The following CNTN5 variants were observed in gnomAD, a reference collection of about 807,000 sequenced individuals.
CNTN5 encodes contactin-5.
A neutral mutation model predicts 129.1 loss-of-function variants in CNTN5; 77 were observed. That is an observed-to-expected ratio of 0.60 (90% confidence interval 0.50 to 0.72). The LOEUF is 0.72. CNTN5 is among the 30% of genes least tolerant of loss of function. CNTN5 has a pLI of 0.00. For missense variants in CNTN5, 1,478 were observed against 1,328.8 expected, an observed-to-expected ratio of 1.11 and a Z score of -1.75; for synonymous variants, 509 against 465.6, an observed-to-expected ratio of 1.09 and a Z score of -1.20.
intron 1 of CNTN5, among the ~76,000 whole-genome samples, chr11:99,143,301 G>T (rs1389213967): frequency 7.6e-6 from 1 of 130,864 alleles, no homozygotes; most frequent in African/African-American, 2.9e-5. Context: ...AAATATACAT[G>T]TAAAATATAT....
chr11:99,535,946 T>G (rs10750317), intron 2 of CNTN5, among the ~76,000 whole-genome samples: 37,735 of 152,018 alleles, frequency 0.25, 5,148 homozygotes, highest in Non-Finnish European at 0.31. Flanking sequence ...TGATTAGTTT[T>G]GTTTTGAATA....
chr11:99,758,810 A>C (rs925377721), intron 3 of CNTN5, among the ~76,000 whole-genome samples: 5 of 152,090 alleles, frequency 3.3e-5, no homozygotes, highest in African/African-American at 1.2e-4. Flanking sequence ...AAAATTATGC[A>C]AGCATTTTGA....
chr11:99,208,144 G>A (rs1859575616), intron 1 of CNTN5, among the ~76,000 whole-genome samples: 1 of 152,098 alleles, frequency 6.6e-6, no homozygotes, highest in African/African-American at 2.4e-5. Context: ...AAAGCAAAAA[G>A]CATCAAAATC....
At chr11:99,385,243 T>G (rs577233270) in intron 2 of CNTN5, among the ~76,000 whole-genome samples, 2 of 152,266 alleles carry the variant, frequency 1.3e-5, no homozygotes, top group African/African-American at 4.8e-5. Context: ...CTCCCAAACT[T>G]ATTTCTCTAT....
chr11:100,150,882 C>A (rs1002862502), intron 13 of CNTN5, among the ~76,000 whole-genome samples: 2 of 151,972 alleles, frequency 1.3e-5, no homozygotes, highest in East Asian at 1.9e-4. Context: ...CTTTGGGAGA[C>A]AATTAGGTTT....
rs1555025629 is a variant in CNTN5, at chr11:99,553,979, C to CACACACACAT, written c.-70-2157_-70-2156insTACACACACA. 1.2e-3 allele frequency among the ~76,000 whole-genome samples: 182 copies of CACACACACAT among 145,628 alleles called. 2 individuals are homozygous for CACACACACAT. Among genetic ancestry groups the CACACACACAT allele is most frequent in the Middle Eastern group, 3.5e-3 (1 of 288 alleles). On this transcript the variant is annotated intron_variant, in intron 2 of 24. Transcript: ENST00000524871. The stretch of plus-strand genomic sequence containing the variant: ...TTGAAAATGAATACACACACACACA[C>CACACACACAT]ACACACACACACACACATACACACA...
chr11:100,236,758 C>G (rs1949622384), intron 16 of CNTN5, among the ~76,000 whole-genome samples: 1 of 152,130 alleles, frequency 6.6e-6, no homozygotes, highest in Admixed American at 6.5e-5. Context: ...TCTGGCCTTT[C>G]AGAAGGCCTG....
chr11:99,057,295 A>G (rs899714580), intron 1 of CNTN5, among the ~76,000 whole-genome samples: 1 of 152,050 alleles, frequency 6.6e-6, no homozygotes, highest in African/African-American at 2.4e-5. Flanking sequence ...TCTGTCTACT[A>G]TAAAGTTCGT....
chr11:99,309,765 G>A (rs975313192), intron 1 of CNTN5, among the ~76,000 whole-genome samples: 6 of 151,944 alleles, frequency 3.9e-5, no homozygotes, highest in African/African-American at 1.5e-4. Flanking sequence ...AATGACAGCC[G>A]TCAGTTGTTT....
intron 13 of CNTN5, among the ~76,000 whole-genome samples, chr11:100,092,649 G>A (rs1565232635): frequency 6.6e-6 from 1 of 152,042 alleles, no homozygotes; most frequent in Non-Finnish European, 1.5e-5. Flanking sequence ...ATTTAGAGGT[G>A]GCACACCACA....
At chr11:100,098,384 G>C (rs2138044866) in intron 13 of CNTN5, among the ~76,000 whole-genome samples, 1 of 152,044 alleles carries the variant, frequency 6.6e-6, no homozygotes, top group Admixed American at 6.6e-5. Flanking sequence ...ATAATATTAA[G>C]ATTCCCAGGA....
At chr11:99,452,146 G>A (rs938079430) in intron 2 of CNTN5, among the ~76,000 whole-genome samples, 2 of 152,000 alleles carry the variant, frequency 1.3e-5, no homozygotes, top group Non-Finnish European at 2.9e-5. Context: ...GAGCAAAGAC[G>A]TTTGCTGACT....
intron 2 of CNTN5, among the ~76,000 whole-genome samples, chr11:99,467,096 AT>A (rs1944974511): frequency 6.6e-6 from 1 of 152,154 alleles, no homozygotes; most frequent in Admixed American, 6.6e-5. Context: ...TTCAGAAATC[AT>A]TTTTCCACAG....
intron 16 of CNTN5, among the ~76,000 whole-genome samples, chr11:100,254,647 T>G (rs547791): frequency 0.024 from 3,691 of 152,258 alleles, 62 homozygotes; most frequent in Non-Finnish European, 0.037. Flanking sequence ...GCTTTTAAAC[T>G]TTTTCTCCAT....
At chr11:99,444,740 T>C (rs1474625595) in intron 2 of CNTN5, among the ~76,000 whole-genome samples, 2 of 152,094 alleles carry the variant, frequency 1.3e-5, no homozygotes, top group Admixed American at 1.3e-4. Context: ...CCTGTGTGTA[T>C]ATATGCATCT....
chr11:99,972,268 A>C (rs1049280143), intron 8 of CNTN5, among the ~76,000 whole-genome samples: 1 of 152,036 alleles, frequency 6.6e-6, no homozygotes, highest in African/African-American at 2.4e-5. Context: ...TTCAAAAAAT[A>C]AGTAAATAAA....
At chr11:100,345,224 G>T (rs1195207938) in intron 23 of CNTN5, among the ~76,000 whole-genome samples, 2 of 152,156 alleles carry the variant, frequency 1.3e-5, no homozygotes, top group African/African-American at 4.8e-5. Context: ...TCCACTTTTG[G>T]TTTCCACAAT....
chr11:99,274,021 T>A (rs898809593), intron 1 of CNTN5, among the ~76,000 whole-genome samples: 11 of 151,714 alleles, frequency 7.3e-5, no homozygotes, highest in African/African-American at 2.2e-4. Context: ...TAAAATTAAA[T>A]AAAATTAGAG....
intron 2 of CNTN5, among the ~76,000 whole-genome samples, chr11:99,387,126 G>T (rs576095997): frequency 2.6e-5 from 4 of 152,038 alleles, no homozygotes; most frequent in Admixed American, 2.6e-4. Context: ...GCTCTGAATA[G>T]CAGGGAGGTT....
Sources: allele counts gnomAD v4.1 joint callset (sites outside exome capture counted in the v4.1 genomes callset), GRCh38; gene constraint gnomAD v4.1.1; transcripts MANE v1.5; gene names NCBI Gene and HGNC (gene_info 2026-07-23, HGNC 2026-07-21).